CASTOR2: variants seen among roughly 807,000 people sequenced by gnomAD.
CASTOR2 encodes cytosolic arginine sensor for mTORC1 subunit 2, also known as GATS protein like 2.
In CASTOR2, 8 loss-of-function variants were observed where a neutral mutation model predicts 31.2. That is an observed-to-expected ratio of 0.26 (90% CI 0.15 to 0.46). The LOEUF is 0.46. Among genes scored for constraint, CASTOR2 ranks in the 20% least tolerant of loss-of-function variants. CASTOR2 has a pLI of 0.99. For missense variants in CASTOR2, 216 were observed against 382.1 expected, an observed-to-expected ratio of 0.57 and a Z score of 3.62; for synonymous variants, 162 against 158.7, an observed-to-expected ratio of 1.02 and a Z score of -0.16.
intron 1 of CASTOR2, among the ~76,000 whole-genome samples, chr7:74,983,909 T>C (rs1804004097): frequency 2.6e-5 from 4 of 151,384 alleles, no homozygotes; most frequent in Non-Finnish European, 5.9e-5. Context: ...GCCTCCTGAA[T>C]AGCTGGGGCC....
intron 2 of CASTOR2, among the ~76,000 whole-genome samples, chr7:75,009,553 C>A (rs1317831214): frequency 9.2e-5 from 14 of 151,948 alleles, no homozygotes; most frequent in South Asian, 4.2e-4. Context: ...CAGGCGTGAG[C>A]CACCGCGCCC....
intron 2 of CASTOR2, among the ~76,000 whole-genome samples, chr7:75,012,788 A>C (rs1198318558): frequency 6.6e-6 from 1 of 150,878 alleles, no homozygotes; most frequent in Non-Finnish European, 1.5e-5. Flanking sequence ...ACAGGCATGC[A>C]CCGCTATGCC....
At position 75,026,189 on chromosome 7, in the gene CASTOR2, G is replaced by GTTTTTTTTTTTTTTTTT. The variant is rs879121750; in HGVS notation, c.*1491_*1507dup. Among the ~76,000 whole-genome samples, 2,891 of 117,166 alleles carry GTTTTTTTTTTTTTTTTT rather than the reference G, an allele frequency of 0.025. 168 individuals carry two copies. Among genetic ancestry groups the GTTTTTTTTTTTTTTTTT allele is most frequent in the Non-Finnish European group, 0.036 (2,058 of 56,396 alleles). The allele number at this position is 117,166 out of a possible 152,430, so 76.9% of individuals were successfully genotyped here. ...CCCTGTGGTTTTGGCTCTGGCGGGG[G>GTTTTTTTTTTTTTTTTT]TTTTTTTTTTTTTTTTTGAGATGGG... On this transcript the variant is annotated 3_prime_UTR_variant, in exon 9 of 9. Transcript: ENST00000616305.
chr7:74,998,819 G>A (rs1804419531), intron 1 of CASTOR2, among the ~76,000 whole-genome samples: 1 of 151,844 alleles, frequency 6.6e-6, no homozygotes, highest in African/African-American at 2.4e-5. Context: ...TCTCCTGGAG[G>A]GGAGCCTGGG....
intron 4 of CASTOR2, 127 bp downstream of exon 4, chr7:75,018,249 G>T: frequency 6.6e-7 from 1 of 1,507,084 alleles, no homozygotes; most frequent in South Asian, 1.3e-5. Flanking sequence ...GGCAGAACGG[G>T]ATGCAAAGGG....
At position 75,025,383 on chromosome 7, in the gene CASTOR2, C is replaced by T. The variant is rs924920551; in HGVS notation, c.*684C>T. 6.6e-6 allele frequency among the ~76,000 whole-genome samples: 1 copy of T among 152,320 alleles called. No individual in the cohort carries two copies. The highest frequency in any genetic ancestry group is 6.5e-5 in the Admixed American group (1 of 15,308). On this transcript the variant is annotated 3_prime_UTR_variant, in exon 9 of 9. Transcript: ENST00000616305. ...AGAGGGCCCTGTCCAGACCCTCCCC[C>T]ACAAGCACTCAGTCCTTGGGGGAGG...
intron 1 of CASTOR2, among the ~76,000 whole-genome samples, chr7:74,994,040 C>T (rs1283715150): frequency 1.3e-5 from 2 of 152,220 alleles, no homozygotes; most frequent in Admixed American, 1.3e-4. Context: ...GGGCCTCACT[C>T]TGTGGGCTTA....
intron 2 of CASTOR2, among the ~76,000 whole-genome samples, chr7:75,017,100 C>T (rs1399732370): frequency 7.2e-5 from 11 of 152,214 alleles, no homozygotes; most frequent in Non-Finnish European, 1.3e-4. Flanking sequence ...TGCAATGAGC[C>T]GAGATCGCGC....
At chr7:74,995,993 G>A (rs1249161141) in intron 1 of CASTOR2, among the ~76,000 whole-genome samples, 1 of 151,950 alleles carries the variant, frequency 6.6e-6, no homozygotes, top group African/African-American at 2.4e-5. Context: ...AAAAAGATGG[G>A]CGAATGATCA....
intron 1 of CASTOR2, 175 bp from the exon 2 acceptor site, chr7:75,007,819 G>C: frequency 5.1e-6 from 4 of 783,688 alleles, no homozygotes; most frequent in South Asian, 3.3e-5. Context: ...TCCTGAGTGA[G>C]AACTGAGTAG....
intron 1 of CASTOR2, among the ~76,000 whole-genome samples, chr7:74,975,323 C>T (rs587593592): frequency 6.6e-6 from 1 of 150,530 alleles, no homozygotes; most frequent in Non-Finnish European, 1.5e-5. Flanking sequence ...GTTGTCCACG[C>T]CGGTCTCAAA....
At chr7:75,008,637 AG>A (rs1804657471) in intron 2 of CASTOR2, among the ~76,000 whole-genome samples, 1 of 152,178 alleles carries the variant, frequency 6.6e-6, no homozygotes, top group Non-Finnish European at 1.5e-5. Context: ...TGGAGGCTGC[AG>A]TGAGCTGTTA....
At chr7:74,965,886 T>A (rs1223575756) in intron 1 of CASTOR2, among the ~76,000 whole-genome samples, 1,185 of 17,854 alleles carry the variant, frequency 0.066, 204 homozygotes, top group East Asian at 0.17. Flanking sequence ...ACACACACTC[T>A]CTCTCTCTCT....
rs1416272957 is a variant in CASTOR2 at position 75,025,894 on chromosome 7, T to G, written c.*1195T>G. Among the ~76,000 whole-genome samples, 1 of 151,926 alleles carries G rather than the reference T, an allele frequency of 6.6e-6. No individual in the cohort carries two copies. Among genetic ancestry groups the G allele is most frequent in the Non-Finnish European group, 1.5e-5 (1 of 67,964 alleles). Reference sequence around the variant, plus strand: ...GGGACAGGCAGTGGGAATCGGGAGATGTCACAGGAGCCTGGGCCCTCTCTT... The same window carrying G: ...GGGACAGGCAGTGGGAATCGGGAGAGGTCACAGGAGCCTGGGCCCTCTCTT... On this transcript the variant is annotated 3_prime_UTR_variant, in exon 9 of 9. Transcript: ENST00000616305.
intron 2 of CASTOR2, among the ~76,000 whole-genome samples, chr7:75,010,512 G>C (rs1224344625): frequency 6.6e-6 from 1 of 151,956 alleles, no homozygotes; most frequent in East Asian, 1.9e-4. Flanking sequence ...AGAGGTCCTT[G>C]GGCCCAGGCT....
chr7:74,994,275 C>T (rs587689376), intron 1 of CASTOR2, among the ~76,000 whole-genome samples: 1 of 152,340 alleles, frequency 6.6e-6, no homozygotes, highest in South Asian at 2.1e-4. Context: ...TGAGAGTCAG[C>T]GACTGGTGTG....
intron 1 of CASTOR2, among the ~76,000 whole-genome samples, chr7:75,007,446 A>G (rs1409005738): frequency 6.6e-6 from 1 of 152,184 alleles, no homozygotes; most frequent in Non-Finnish European, 1.5e-5. Flanking sequence ...TGTCCCAAAA[A>G]TGTCACGGAT....
At chr7:74,988,377 A>C (rs1804123093) in intron 1 of CASTOR2, among the ~76,000 whole-genome samples, 1 of 152,058 alleles carries the variant, frequency 6.6e-6, no homozygotes, top group Non-Finnish European at 1.5e-5. Flanking sequence ...GGCTCACTGC[A>C]AGCTCCGCCT....
rs1290655003 is a variant in CASTOR2 at position 75,026,726 on chromosome 7, C to T, written c.*2027C>T. 6.6e-6 allele frequency among the ~76,000 whole-genome samples: 1 copy of T among 152,032 alleles called. No homozygotes were observed. The highest frequency in any genetic ancestry group is 6.6e-5 in the Admixed American group (1 of 15,262). ...AGAACAAAACTCGTACATTGCTGGT[C>T]CCAAAAGGGAGGTGGCCAAGTGGGG... On this transcript the variant is annotated 3_prime_UTR_variant, in exon 9 of 9. Transcript: ENST00000616305.
Sources: allele counts gnomAD v4.1 joint callset (sites outside exome capture counted in the v4.1 genomes callset), GRCh38; gene constraint gnomAD v4.1.1; transcripts MANE v1.5; gene names NCBI Gene and HGNC (gene_info 2026-07-23, HGNC 2026-07-21).